GRIK1: variants seen among roughly 807,000 people sequenced by gnomAD.
GRIK1 encodes the protein glutamate ionotropic receptor kainate type subunit 1.
Under a neutral mutation model 105.7 loss-of-function variants are expected in GRIK1, and 69 were observed. The observed-to-expected ratio is 0.65, with a 90% confidence interval of 0.54 to 0.80. The LOEUF is 0.80. GRIK1 is among the 30% of genes least tolerant of loss of function. GRIK1 has a pLI of 0.00. For missense variants in GRIK1, 1,109 were observed against 1,167.3 expected, an observed-to-expected ratio of 0.95 and a Z score of 0.73; for synonymous variants, 438 against 431.3, an observed-to-expected ratio of 1.02 and a Z score of -0.19.
chr21:29,556,044 C>A (rs1485444444), intron 15 of GRIK1, among the ~76,000 whole-genome samples: 1 of 152,148 alleles, frequency 6.6e-6, no homozygotes, highest in Non-Finnish European at 1.5e-5. Flanking sequence ...AGAAGAAGAC[C>A]ACCGACCTTA....
intron 17 of GRIK1, among the ~76,000 whole-genome samples, 166 bp from the exon 18 acceptor site, chr21:29,537,551 C>T (rs987083298): frequency 6.6e-6 from 1 of 152,066 alleles, no homozygotes. Flanking sequence ...GGCCACCCAC[C>T]TTTTCTAATC....
chr21:29,908,919 C>T (rs1328384166), intron 1 of GRIK1, among the ~76,000 whole-genome samples: 1 of 152,098 alleles, frequency 6.6e-6, no homozygotes, highest in Non-Finnish European at 1.5e-5. Flanking sequence ...CAAGTATTTC[C>T]TCTGCAAAAT....
intron 1 of GRIK1, among the ~76,000 whole-genome samples, chr21:29,796,993 A>G (rs934818673): frequency 6.6e-6 from 1 of 151,598 alleles, no homozygotes; most frequent in African/African-American, 2.4e-5. Flanking sequence ...AAAAAGAAAA[A>G]CCCACAGAAT....
At chr21:29,716,987 C>T (rs1191085026) in intron 1 of GRIK1, among the ~76,000 whole-genome samples, 1 of 152,202 alleles carries the variant, frequency 6.6e-6, no homozygotes, top group African/African-American at 2.4e-5. Context: ...GCCCTCTGTC[C>T]CAGCTGCTTC....
At chr21:29,554,041 C>T (rs1367094336) in intron 16 of GRIK1, among the ~76,000 whole-genome samples, 1 of 152,112 alleles carries the variant, frequency 6.6e-6, no homozygotes, top group Non-Finnish European at 1.5e-5. Flanking sequence ...AATGAATCAT[C>T]CCCAGTTTTG....
intron 1 of GRIK1, among the ~76,000 whole-genome samples, chr21:29,790,552 C>A (rs1569096927): frequency 6.6e-6 from 1 of 151,906 alleles, no homozygotes; most frequent in Non-Finnish European, 1.5e-5. Context: ...AACTTCCAGG[C>A]TCAGGTGACT....
rs369990339 is a variant in GRIK1, at chr21:29,914,455, C to T, written c.118+24928G>A. Among the ~76,000 whole-genome samples, 317 of 152,140 alleles carry T rather than the reference C, an allele frequency of 2.1e-3. 2 individuals carry two copies. The highest frequency in any genetic ancestry group is 7.2e-3 in the African/African-American group (299 of 41,552). On this transcript the variant is annotated intron_variant, in intron 1 of 17. Transcript: ENST00000327783. ...CCCCTATGGGGCAGTCATGTGAGAACTTAAGACTTGGGGCAATGGCAGTCA... is the reference window on the plus strand; with the variant it reads ...CCCCTATGGGGCAGTCATGTGAGAATTTAAGACTTGGGGCAATGGCAGTCA...
intron 4 of GRIK1, among the ~76,000 whole-genome samples, chr21:29,657,139 G>A (rs1329257136): frequency 6.6e-6 from 1 of 152,180 alleles, no homozygotes; most frequent in African/African-American, 2.4e-5. Context: ...TAGTGTAATT[G>A]CAGCCAAGAT....
chr21:29,590,096 G>A (rs1370040001), intron 10 of GRIK1, among the ~76,000 whole-genome samples: 2 of 152,058 alleles, frequency 1.3e-5, no homozygotes, highest in Non-Finnish European at 2.9e-5. Flanking sequence ...TCCTCATTTG[G>A]TTTTATAAAA....
chr21:29,615,844 T>C (rs1415993039), intron 7 of GRIK1, among the ~76,000 whole-genome samples: 1 of 152,162 alleles, frequency 6.6e-6, no homozygotes, highest in Non-Finnish European at 1.5e-5. Flanking sequence ...TTGCCCAACC[T>C]CAGTCTCCCG....
intron 1 of GRIK1, among the ~76,000 whole-genome samples, chr21:29,866,200 G>C (rs1361687943): frequency 1.3e-5 from 2 of 151,936 alleles, no homozygotes; most frequent in Non-Finnish European, 2.9e-5. Context: ...GGAGTAGCTG[G>C]GACTAGGCAA....
chr21:29,720,422 C>G (rs2064290015), intron 1 of GRIK1, among the ~76,000 whole-genome samples: 1 of 152,154 alleles, frequency 6.6e-6, no homozygotes, highest in African/African-American at 2.4e-5. Context: ...TATAGCCCCT[C>G]TCTACCAGGC....
intron 15 of GRIK1, among the ~76,000 whole-genome samples, chr21:29,561,254 CTTCTA>C (rs954648520): frequency 2.6e-5 from 4 of 152,084 alleles, no homozygotes; most frequent in East Asian, 1.9e-4. Context: ...AATCAACTTT[CTTCTA>C]TTCTAATTTA....
At chr21:29,903,251 G>A (rs57949340) in intron 1 of GRIK1, among the ~76,000 whole-genome samples, 1 of 152,124 alleles carries the variant, frequency 6.6e-6, no homozygotes, top group Non-Finnish European at 1.5e-5. Flanking sequence ...AACACCAAAA[G>A]TGATGGCAAC....
intron 1 of GRIK1, among the ~76,000 whole-genome samples, chr21:29,934,422 T>C (rs892957563): frequency 2.6e-5 from 4 of 152,170 alleles, no homozygotes; most frequent in Admixed American, 2.0e-4. Context: ...CTCCCTTTTA[T>C]GTAACACTAT....
At chr21:29,790,496 C>T (rs1233794043) in intron 1 of GRIK1, among the ~76,000 whole-genome samples, 1 of 151,540 alleles carries the variant, frequency 6.6e-6, no homozygotes, top group Non-Finnish European at 1.5e-5. Context: ...CTTGCTGTCA[C>T]CCAGTCTGAA....
At chr21:29,594,531 T>G (rs1312236908) in intron 9 of GRIK1, among the ~76,000 whole-genome samples, 1 of 152,210 alleles carries the variant, frequency 6.6e-6, no homozygotes, top group African/African-American at 2.4e-5. Context: ...GGAGGAGCAC[T>G]CAATATCTAA....
At chr21:29,596,841 G>A (rs1344700456) in intron 8 of GRIK1, 1 of 460,930 alleles carries the variant, frequency 2.2e-6, no homozygotes, top group Non-Finnish European at 4.0e-6. Context: ...GCTTTTCAAT[G>A]TATACAGGTA....
At chr21:29,862,946 T>C (rs1378625894) in intron 1 of GRIK1, among the ~76,000 whole-genome samples, 3 of 152,314 alleles carry the variant, frequency 2.0e-5, no homozygotes, top group Admixed American at 1.3e-4. Context: ...GCTGGCAGTA[T>C]TCCAATACTG....
Sources: allele counts gnomAD v4.1 joint callset (sites outside exome capture counted in the v4.1 genomes callset), GRCh38; gene constraint gnomAD v4.1.1; transcripts MANE v1.5; gene names NCBI Gene and HGNC (gene_info 2026-07-23, HGNC 2026-07-21).